The following SH3GLB2 variants were observed in gnomAD, a reference collection of about 807,000 sequenced individuals.
The protein encoded by SH3GLB2 is SH3 domain containing GRB2 like, endophilin B2, also known as endophilin-B2.
Under a neutral mutation model 48.0 loss-of-function variants are expected in SH3GLB2, and 24 were observed. The ratio of observed to expected loss-of-function variants is 0.50; its 90% CI spans 0.36 to 0.70. The LOEUF is 0.70. Among genes scored for constraint, SH3GLB2 ranks in the 30% least tolerant of loss-of-function variants. The probability of loss-of-function intolerance (pLI) is 0.00; values close to 1 mark genes in which losing one functional copy is unlikely to be tolerated. For synonymous variants in SH3GLB2, 227 were observed against 207.6 expected (o/e 1.09, Z -0.80); for missense variants, 425 against 516.0 (o/e 0.82, Z 1.71).
At chr9:129,018,387 C>T (rs1216502058) in intron 3 of SH3GLB2, among the ~76,000 whole-genome samples, 1 of 151,310 alleles carries the variant, frequency 6.6e-6, no homozygotes, top group Non-Finnish European at 1.5e-5. Flanking sequence ...ACCAGCCTGG[C>T]CAACATGGTG....
intron 5 of SH3GLB2, chr9:129,012,714 AC>A: frequency 1.9e-6 from 1 of 513,150 alleles, no homozygotes; most frequent in Admixed American, 3.3e-5. Flanking sequence ...GAATCCGCAC[AC>A]CACATCTCTT....
intron 5 of SH3GLB2, chr9:129,013,111 C>G (rs961733753): frequency 2.3e-5 from 33 of 1,462,138 alleles, no homozygotes; most frequent in African/African-American, 4.2e-5. Flanking sequence ...CCCCAGGCCC[C>G]AGTGGGAGGG....
At chr9:129,023,633 C>T (rs1843953737) in intron 1 of SH3GLB2, among the ~76,000 whole-genome samples, 1 of 152,062 alleles carries the variant, frequency 6.6e-6, no homozygotes, top group African/African-American at 2.4e-5. Context: ...ACGCAGGAGT[C>T]GGTCAGCCAT....
chr9:129,009,607 C>T (rs1842984334), intron 9 of SH3GLB2, 164 bp downstream of exon 9: 1 of 1,458,206 alleles, frequency 6.9e-7, no homozygotes, highest in Non-Finnish European at 9.4e-7. Context: ...AGGCCAGCCA[C>T]TCCACCCTCA....
chr9:129,010,189 C>T lies in SH3GLB2; in HGVS notation c.669G>A (p.Val223=). 6.2e-7 allele frequency: 1 copy of T among 1,614,016 alleles called. No individual in the cohort carries two copies. Residue 223 remains valine, a synonymous_variant, in exon 8 of 11, where the codon GTG becomes GTA. Coordinates refer to ENST00000372564, the MANE Select transcript of SH3GLB2 (RefSeq NM_020145.4). ...EVDKAEQELR[V]AQTEFDRQAE... ...CTTGCCGGTCAAACTCTGTCTGGGC[C>T]ACGCGGAGCTCCTGCTCGGCCTGGG...
intron 9 of SH3GLB2, chr9:129,009,550 C>A (rs1842979300): frequency 6.5e-7 from 1 of 1,546,906 alleles, no homozygotes; most frequent in African/African-American, 1.4e-5. Flanking sequence ...CCCACCCAGG[C>A]ATTCCCTAGA....
Position 129,007,505 on chromosome 9 carries a change from C to A in SH3GLB2, c.*1179G>T, listed in dbSNP as rs1331455134. ...CAGGACTGAAGTCAGAATGCTAGGT[C>A]CTGCTAGGGGCCATCTAAAACACAG... On this transcript the variant is annotated 3_prime_UTR_variant, in exon 11 of 11. Transcript: ENST00000372564. 1.3e-5 allele frequency: 2 copies of A among 152,114 alleles called. No individual in the cohort carries two copies. The highest frequency in any genetic ancestry group is 2.9e-5 in the Non-Finnish European group (2 of 68,028). The allele number at this position is 152,114 out of a possible 1,614,324, so 9.4% of individuals were successfully genotyped here. A position where few individuals can be genotyped will look rare whatever the true frequency, so the allele number is the denominator to read the frequency against.
intron 7 of SH3GLB2, 99 bp from the exon 8 acceptor site, chr9:129,010,308 C>T (rs1843042128): frequency 1.0e-6 from 1 of 996,696 alleles, no homozygotes; most frequent in African/African-American, 1.6e-5. Flanking sequence ...GTCCCTTTCC[C>T]CTGGGAACAC....
At chr9:129,024,850 A>G (rs918098429) in intron 1 of SH3GLB2, among the ~76,000 whole-genome samples, 2 of 150,140 alleles carry the variant, frequency 1.3e-5, no homozygotes, top group East Asian at 2.0e-4. Flanking sequence ...GGCGCCTGTA[A>G]TCCCAGCTAC....
Position 129,014,496 on chromosome 9 carries a change from C to G in SH3GLB2, c.476G>C (p.Arg159Thr). 1 of 1,551,484 alleles carries G rather than the reference C, an allele frequency of 6.4e-7. No individual in the cohort carries two copies. Among genetic ancestry groups the G allele is most frequent in the Non-Finnish European group, 8.7e-7 (1 of 1,147,014 alleles). ...EGDWKTISKE[R>T]RLLQNRRLDL... ...CAGACGCCGGTTTTGGAGGAGCCGC[C>G]TCTCCTTCTACAGGGCAGGGCATGG... Residue 159 changes from arginine to threonine, a missense_variant, in exon 5 of 11, where the codon AGG becomes ACG. Arg to Thr is a moderately conservative substitution (Grantham distance 71). Transcript: ENST00000372564. The surrounding 1 kb of genome is among the most constrained non-coding windows in gnomAD (Gnocchi z 4.1).
At chr9:129,009,512 G>A in intron 9 of SH3GLB2, 166 bp from the exon 10 acceptor site, 1 of 1,548,354 alleles carries the variant, frequency 6.5e-7, no homozygotes. Context: ...GGGTGAGATG[G>A]CCCCACCCCC....
At chr9:129,009,652 A>G (rs1295203014) in intron 9 of SH3GLB2, 119 bp downstream of exon 9, 88 of 1,373,704 alleles carry the variant, frequency 6.4e-5, no homozygotes, top group Non-Finnish European at 8.1e-5. Flanking sequence ...AGTGGGTTCC[A>G]GCAGAGCCCT....
chr9:129,009,307 G>A lies in SH3GLB2; in HGVS notation c.879C>T (p.Ser293=), dbSNP rs1274842475. The part of the protein sequence containing the change: ...GTFVGTTEPA[S]PPLSSTSPTT... ...TGGGTGAGGTGCTGCTCAGGGGTGG[G>A]GAGGCGGGCTCTGTGGTGCCCACGA... Residue 293 remains serine, a synonymous_variant, in exon 10 of 11, where the codon TCC becomes TCT. Coordinates refer to ENST00000372564, the MANE Select transcript of SH3GLB2 (RefSeq NM_020145.4). 2 of 1,546,516 alleles carry A rather than the reference G, an allele frequency of 1.3e-6. No homozygotes were observed. Among genetic ancestry groups the A allele is most frequent in the Non-Finnish European group, 1.7e-6 (2 of 1,143,712 alleles).
At chr9:129,015,784 G>C in intron 3 of SH3GLB2, 1 of 283,404 alleles carries the variant, frequency 3.5e-6, no homozygotes, top group Non-Finnish European at 7.4e-6. Context: ...AGGATCATTT[G>C]AACCCAGGAG....
chr9:129,010,180 T>A lies in SH3GLB2; in HGVS notation c.678A>T (p.Thr226=). ...KAEQELRVAQ[T]EFDRQAEVTR... is the part of the protein sequence containing the mutation. ...TCACTTCTGCTTGCCGGTCAAACTC[T>A]GTCTGGGCCACGCGGAGCTCCTGCT... is the stretch of plus-strand genomic sequence containing the variant. The change falls in exon 8 of 11, where the codon ACA becomes ACT. Residue 226 remains threonine (T), a synonymous_variant. Transcript: ENST00000372564. The A allele has an allele frequency of 6.2e-7, 1 of 1,613,944 alleles. No homozygotes were observed. The highest frequency in any genetic ancestry group is 8.5e-7 in the Non-Finnish European group (1 of 1,179,920).
Position 129,008,340 on chromosome 9 carries a change from TG to T in SH3GLB2, c.*343del, listed in dbSNP as rs1842881210. On this transcript the variant is annotated 3_prime_UTR_variant, in exon 11 of 11. Transcript: ENST00000372564. Reference sequence around the variant, plus strand: ...AGGCAGGGCTCTCGCTGAGTGCACCTGGGGCTTCCTGAGCCCATCTGCGGCG... The same window carrying T: ...AGGCAGGGCTCTCGCTGAGTGCACCTGGGCTTCCTGAGCCCATCTGCGGCG... 1 of 285,390 alleles carries T rather than the reference TG, an allele frequency of 3.5e-6. No homozygotes were observed. The highest frequency in any genetic ancestry group is 9.2e-5 in the East Asian group (1 of 10,924). 17.7% of individuals were successfully genotyped at this position (285,390 alleles called of 1,614,324 possible).
Position 129,009,222 on chromosome 9 carries a change from C to T in SH3GLB2, c.964G>A (p.Glu322Lys). The T allele has an allele frequency of 6.2e-7, 1 of 1,605,690 alleles. No individual in the cohort carries two copies. The highest frequency in any genetic ancestry group is 8.5e-7 in the Non-Finnish European group (1 of 1,176,512). Residue 322 changes from glutamate (E) to lysine (K), a missense_variant, in exon 10 of 11, where the codon GAG (glutamate) becomes AAG (lysine). By Grantham distance (56) the Glu-to-Lys change is moderately conservative. Transcript: ENST00000372564. ...ACCTCTTCCAGGCAGAGCGAGGCCT[C>T]CCCCGGAGGGGCCAGGCTGGCCACA... ...PSVASLAPPG[E>K]ASLCLEEVAP...
chr9:129,014,926 G>GT lies in SH3GLB2; in HGVS notation c.335-23dup, dbSNP rs146144084. 0.026 allele frequency: 41,421 copies of GT among 1,609,626 alleles called. 734 individuals carry two copies. The highest frequency in any genetic ancestry group is 0.093 in the East Asian group (4,181 of 44,862). On this transcript the variant is annotated intron_variant, in intron 3 of 10. Coordinates refer to ENST00000372564, the MANE Select transcript of SH3GLB2 (RefSeq NM_020145.4). The surrounding 1 kb of genome is among the most constrained non-coding windows in gnomAD (Gnocchi z 4.1). ...TTCCCTGAGAAAACAGAGTTGAAGC[G>GT]TGAGGAAGAAGGTCAGGCTCAGGCT...
Position 129,028,131 on chromosome 9 carries a change from C to G in SH3GLB2, c.24G>C (p.Leu8=). 1 of 1,496,228 alleles carries G rather than the reference C, an allele frequency of 6.7e-7. No homozygotes were observed. The allele number at this position is 1,496,228 out of a possible 1,614,324, so 92.7% of individuals were successfully genotyped here. A position where few individuals can be genotyped will look rare whatever the true frequency, so the allele number is the denominator to read the frequency against. The change falls in exon 1 of 11, where the codon CTG becomes CTC. Residue 8 remains leucine (L), a synonymous_variant. Transcript: ENST00000372564. The part of the protein sequence containing the change: MDFNMKK[L]ASDAGIFFTR... Reference sequence around the variant, plus strand: ...TGAAGAAGATGCCCGCGTCCGACGCCAGCTTCTTCATGTTGAAGTCCATGG... The same window carrying G: ...TGAAGAAGATGCCCGCGTCCGACGCGAGCTTCTTCATGTTGAAGTCCATGG...
Sources: gnomAD v4.1 joint callset for allele counts (sites outside exome capture counted in the v4.1 genomes callset) on GRCh38, gnomAD v4.1.1 for gene constraint, Gnocchi (gnomAD v3.1) non-coding constraint, MANE v1.5 for transcripts, NCBI Gene and HGNC (gene_info 2026-07-23, HGNC 2026-07-21) for gene names.